Variants in P4HA3 observed in about 807,000 individuals in gnomAD.
P4HA3 encodes prolyl 4-hydroxylase subunit alpha-3.
Under a neutral mutation model 66.7 loss-of-function variants are expected in P4HA3, and 60 were observed. The observed-to-expected ratio is 0.90, with a 90% CI of 0.73 to 1.12. The LOEUF is 1.12. P4HA3 is among the 50% of genes most tolerant of loss of function. The pLI, the probability that P4HA3 is intolerant of heterozygous loss-of-function variation, is 0.00. For synonymous variants in P4HA3, 263 were observed against 274.6 expected, an observed-to-expected ratio of 0.96 and a Z score of 0.42; for missense variants, 683 against 685.8, an observed-to-expected ratio of 1.00 and a Z score of 0.05.
chr11:74,294,266 C>T lies in P4HA3; in HGVS notation c.717+3946G>A, dbSNP rs759860878. Reference sequence around the variant, plus strand: ...GCTACTGAGGCTTCTGCATTCGTCACGTAGCTCTCGTGCCTTGGTTTTCAG... The same window carrying T: ...GCTACTGAGGCTTCTGCATTCGTCATGTAGCTCTCGTGCCTTGGTTTTCAG... On this transcript the variant is annotated intron_variant, in intron 4 of 12. Coordinates refer to ENST00000331597, the MANE Select transcript of P4HA3 (RefSeq NM_182904.5). Among the ~76,000 whole-genome samples, 305 of 151,634 alleles carry T rather than the reference C, an allele frequency of 2.0e-3. 1 individual carries two copies. The highest frequency in any genetic ancestry group is 2.7e-3 in the Non-Finnish European group (185 of 67,846).
Position 74,289,099 on chromosome 11 carries a change from G to T in P4HA3, c.749C>A (p.Ser250Tyr). Residue 250 changes from serine (S) to tyrosine (Y), a missense_variant, in exon 5 of 13, where the codon TCT (serine) becomes TAT (tyrosine). Coordinates refer to ENST00000331597, the MANE Select transcript of P4HA3 (RefSeq NM_182904.5). Reference sequence around the variant, plus strand: ...CGTACTGTAGAGAAGAAACTCCCGAGAGAGGCTGAGGGCACACGAAACATT... The same window carrying T: ...CGTACTGTAGAGAAGAAACTCCCGATAGAGGCTGAGGGCACACGAAACATT... ...AGNVSCALSL[S>Y]REFLLYSPDN... 6.3e-7 allele frequency: 1 copy of T among 1,579,550 alleles called. No homozygotes were observed. The highest frequency in any genetic ancestry group is 8.6e-7 in the Non-Finnish European group (1 of 1,166,060).
At chr11:74,270,056 CACACATACACACACACACAG>C (rs1192964859) in intron 10 of P4HA3, among the ~76,000 whole-genome samples, 2 of 152,172 alleles carry the variant, frequency 1.3e-5, no homozygotes, top group Non-Finnish European at 2.9e-5. Flanking sequence ...CCAAGACACA[CACACATACACACACACACAG>C]ACACATACAC....
At chr11:74,307,002 A>T (rs1283272297) in intron 1 of P4HA3, among the ~76,000 whole-genome samples, 1 of 152,136 alleles carries the variant, frequency 6.6e-6, no homozygotes, top group Non-Finnish European at 1.5e-5. Context: ...AAGATACTCC[A>T]CTGCTTGATG....
chr11:74,277,155 C>A lies in P4HA3; in HGVS notation c.1176-11G>T. On this transcript the variant is annotated splice_polypyrimidine_tract_variant and intron_variant, in intron 8 of 12. Transcript: ENST00000331597. Reference sequence around the variant, plus strand: ...TCCTTCAGCCAGGCACTAAAACACACCACAGATTGAAGCATCAATGATCTG... The same window carrying A: ...TCCTTCAGCCAGGCACTAAAACACAACACAGATTGAAGCATCAATGATCTG... 1 of 1,605,072 alleles carries A rather than the reference C, an allele frequency of 6.2e-7. No individual in the cohort carries two copies. The highest frequency in any genetic ancestry group is 8.5e-7 in the Non-Finnish European group (1 of 1,174,542).
intron 4 of P4HA3, among the ~76,000 whole-genome samples, chr11:74,291,093 C>A (rs111361731): frequency 2.6e-5 from 4 of 152,156 alleles, no homozygotes; most frequent in Admixed American, 2.0e-4. Context: ...AATGTTCTTC[C>A]ATTTGTTTGT....
intron 15 of P4HA3, chr11:74,250,982 G>C (rs1565398027): frequency 6.2e-7 from 1 of 1,602,450 alleles, no homozygotes; most frequent in Non-Finnish European, 8.5e-7. Context: ...TCCTACCCCA[G>C]TGTGGCCATG....
In P4HA3 at chr11:74,286,299, G is replaced by A. The variant is rs886551030; in HGVS notation, c.862C>T (p.Gln288Ter). Reference protein sequence around the residue: ...PNHVVAEAVIQRPNIPHLQTR... With the variant: ...PNHVVAEAVI ...TGCAGGTGGGGTATATTGGGCCTCT[G>A]GATGACAGCCTCAGCTACCACGTGG... Residue 288 changes from glutamine (Q) to a stop codon, truncating the protein, a stop_gained, in exon 6 of 13, where the codon CAG becomes TAG. Coordinates refer to ENST00000331597, the MANE Select transcript of P4HA3 (RefSeq NM_182904.5). LOFTEE classifies it high-confidence loss of function. 6.2e-7 allele frequency: 1 copy of A among 1,611,476 alleles called. No individual in the cohort carries two copies. The highest frequency in any genetic ancestry group is 1.3e-5 in the African/African-American group (1 of 74,786).
chr11:74,294,345 C>T (rs985945848), intron 4 of P4HA3, among the ~76,000 whole-genome samples: 15 of 152,072 alleles, frequency 9.9e-5, no homozygotes, highest in African/African-American at 2.2e-4. Context: ...GTTATCCATT[C>T]GTCTAATTTT....
intron 9 of P4HA3, among the ~76,000 whole-genome samples, chr11:74,274,935 G>A (rs1385516042): frequency 6.6e-6 from 1 of 152,090 alleles, no homozygotes; most frequent in Non-Finnish European, 1.5e-5. Flanking sequence ...CCCTAATGAT[G>A]TTGAGCATCT....
At chr11:74,258,727 C>T (rs1859864688) in intron 15 of P4HA3, among the ~76,000 whole-genome samples, 1 of 152,164 alleles carries the variant, frequency 6.6e-6, no homozygotes, top group Admixed American at 6.5e-5. Context: ...GCTCCAAGCT[C>T]AGTTCAGCCT....
At chr11:74,276,088 G>A (rs1033880149) in intron 9 of P4HA3, among the ~76,000 whole-genome samples, 11 of 152,096 alleles carry the variant, frequency 7.2e-5, no homozygotes, top group African/African-American at 2.7e-4. Context: ...CTTATAAGTG[G>A]GGGCTAAACA....
intron 4 of P4HA3, among the ~76,000 whole-genome samples, chr11:74,294,067 G>A (rs944348710): frequency 1.1e-4 from 16 of 152,152 alleles, no homozygotes; most frequent in African/African-American, 3.6e-4. Context: ...CATTCTCCCT[G>A]TCACTTTCAA....
intron 4 of P4HA3, 145 bp from the exon 5 acceptor site, chr11:74,289,275 A>G: frequency 1.5e-6 from 1 of 665,376 alleles, no homozygotes; most frequent in Non-Finnish European, 2.2e-6. Flanking sequence ...ACAGCAGACC[A>G]GAAATGCAGA....
chr11:74,310,930 A>C (rs1956685892), intron 1 of P4HA3, among the ~76,000 whole-genome samples: 1 of 152,148 alleles, frequency 6.6e-6, no homozygotes, highest in East Asian at 1.9e-4. Context: ...GCGTCACCGT[A>C]TTCTCTCCAT....
rs749718553 is a variant in P4HA3 at position 74,302,402 on chromosome 11, A to T, written c.534T>A (p.Ser178=). The T allele has an allele frequency of 6.2e-7, 1 of 1,613,858 alleles. No homozygotes were observed. Residue 178 remains serine (S), a synonymous_variant, in exon 3 of 13, where the codon TCT becomes TCA. Coordinates refer to ENST00000331597, the MANE Select transcript of P4HA3 (RefSeq NM_182904.5). Reference sequence around the variant, plus strand: ...CTTGGAAGCAGTCATCCCCTGTGAGAGAAAAGAGCCGTTTGGGGCTGTACA... The same window carrying T: ...CTTGGAAGCAGTCATCCCCTGTGAGTGAAAAGAGCCGTTTGGGGCTGTACA... ...TDLYSPKRLF[S]LTGDDCFQVG...
rs753896156 is a variant in P4HA3, at chr11:74,267,313, T to C, written c.1570A>G (p.Asn524Asp). The change falls in exon 13 of 13, where the codon AAC becomes GAC. Residue 524 changes from asparagine to aspartate, a missense_variant. Coordinates refer to ENST00000331597, the MANE Select transcript of P4HA3 (RefSeq NM_182904.5). ...TGTCCATACTCATGTATCCACTTGT[T>C]GGCCACTGGGAGAGAACAGGGAAGA... ...PVLVGDKWVA[N>D]KWIHEYGQEF... The C allele has an allele frequency of 1.2e-6, 2 of 1,614,132 alleles. No individual in the cohort carries two copies. Among genetic ancestry groups the C allele is most frequent in the East Asian group, 2.2e-5 (1 of 44,882 alleles).
intron 4 of P4HA3, among the ~76,000 whole-genome samples, chr11:74,291,794 C>A (rs375146292): frequency 2.0e-5 from 3 of 152,124 alleles, no homozygotes; most frequent in Non-Finnish European, 2.9e-5. Flanking sequence ...AGGGATGAAG[C>A]CCACTTGGTC....
chr11:74,259,613 C>T (rs1859878258), intron 15 of P4HA3, among the ~76,000 whole-genome samples: 1 of 152,148 alleles, frequency 6.6e-6, no homozygotes, highest in South Asian at 2.1e-4. Context: ...GCCTGCGTCC[C>T]CAAGCTCTAT....
intron 15 of P4HA3, chr11:74,251,410 A>T: frequency 7.2e-7 from 1 of 1,381,512 alleles, no homozygotes; most frequent in Non-Finnish European, 9.3e-7. Context: ...CTGAGGGCAC[A>T]CATAAGCCCT....
Sources: allele counts gnomAD v4.1 joint callset (sites outside exome capture counted in the v4.1 genomes callset), GRCh38; gene constraint gnomAD v4.1.1; transcripts MANE v1.5; gene names NCBI Gene and HGNC (gene_info 2026-07-23, HGNC 2026-07-21).